Variants in PTPRD observed in about 807,000 individuals in gnomAD.
PTPRD encodes protein tyrosine phosphatase receptor type D.
A neutral mutation model predicts 214.5 loss-of-function variants in PTPRD; 34 were observed. That is an observed-to-expected ratio of 0.16 (90% CI 0.12 to 0.21). The LOEUF (loss-of-function observed/expected upper bound fraction) is 0.21, where lower values mean the gene tolerates loss of function less well. Among genes scored for constraint, PTPRD ranks in the 10% least tolerant of loss-of-function variants. PTPRD has a pLI of 1.00. For synonymous variants in PTPRD, 1,128 were observed against 845.7 expected, an observed-to-expected ratio of 1.33 and a Z score of -5.79; for missense variants, 2,545 against 2,398.7, an observed-to-expected ratio of 1.06 and a Z score of -1.27.
chr9:8,592,794 G>A (rs562824610), intron 14 of PTPRD, among the ~76,000 whole-genome samples: 3 of 152,124 alleles, frequency 2.0e-5, no homozygotes, highest in African/African-American at 7.2e-5. Context: ...AACATGCTGC[G>A]TGTTAATGCA....
chr9:8,376,154 C>T (rs892363647), intron 38 of PTPRD, 64 bp from the exon 39 acceptor site: 144 of 1,577,842 alleles, frequency 9.1e-5, no homozygotes, highest in Non-Finnish European at 1.2e-4. Context: ...TGATGAATAA[C>T]AGGGAAGAGG....
chr9:10,203,087 C>A (rs112409391), intron 3 of PTPRD, among the ~76,000 whole-genome samples: 320 of 151,366 alleles, frequency 2.1e-3, no homozygotes, highest in African/African-American at 7.5e-3. Flanking sequence ...CTTGATGTAT[C>A]AGAGTGGAGG....
chr9:9,087,891 T>TTC (rs1179237967), intron 10 of PTPRD, among the ~76,000 whole-genome samples: 37 of 134,178 alleles, frequency 2.8e-4, no homozygotes, highest in Non-Finnish European at 4.9e-4. Context: ...TTTTTTTTTT[T>TTC]TTTTTTTTTT....
At chr9:8,584,053 C>G (rs914723791) in intron 14 of PTPRD, among the ~76,000 whole-genome samples, 1 of 152,150 alleles carries the variant, frequency 6.6e-6, no homozygotes, top group African/African-American at 2.4e-5. Context: ...ACTTGGGAAG[C>G]TGACACAGGA....
chr9:8,958,137 C>T (rs1420809726), intron 11 of PTPRD, among the ~76,000 whole-genome samples: 1 of 151,776 alleles, frequency 6.6e-6, no homozygotes, highest in African/African-American at 2.4e-5. Flanking sequence ...CCTGCAGGTG[C>T]TAAATGTGTG....
chr9:9,601,194 T>G, intron 7 of PTPRD, among the ~76,000 whole-genome samples: 1 of 149,526 alleles, frequency 6.7e-6, no homozygotes, highest in African/African-American at 2.5e-5. Context: ...GAAAGAGATT[T>G]GGAATTCAGT....
chr9:9,104,990 A>G (rs765964090), intron 10 of PTPRD, among the ~76,000 whole-genome samples: 1 of 152,224 alleles, frequency 6.6e-6, no homozygotes, highest in African/African-American at 2.4e-5. Context: ...TGAAGACTTC[A>G]GAGAAACAAA....
intron 3 of PTPRD, among the ~76,000 whole-genome samples, chr9:10,314,219 G>C (rs1462586866): frequency 6.6e-6 from 1 of 151,848 alleles, no homozygotes; most frequent in East Asian, 1.9e-4. Context: ...AGGATATTCT[G>C]GAAGTGTGAA....
At chr9:8,699,617 A>C (rs2098025302) in intron 12 of PTPRD, among the ~76,000 whole-genome samples, 1 of 152,206 alleles carries the variant, frequency 6.6e-6, no homozygotes, top group Non-Finnish European at 1.5e-5. Flanking sequence ...TGGTTGGGCC[A>C]GTAACTTTCA....
chr9:9,267,312 A>G (rs1428363703), intron 9 of PTPRD, among the ~76,000 whole-genome samples: 1 of 151,326 alleles, frequency 6.6e-6, no homozygotes, highest in Non-Finnish European at 1.5e-5. Context: ...GCATAAATGG[A>G]TATGTTCCTG....
chr9:8,633,896 G>A (rs1013788558), intron 13 of PTPRD, among the ~76,000 whole-genome samples: 1 of 151,926 alleles, frequency 6.6e-6, no homozygotes, highest in African/African-American at 2.4e-5. Flanking sequence ...ACCACAGATA[G>A]CTCTGCTAGT....
intron 8 of PTPRD, among the ~76,000 whole-genome samples, chr9:9,519,982 G>C (rs1341046184): frequency 6.6e-6 from 1 of 151,992 alleles, no homozygotes; most frequent in Non-Finnish European, 1.5e-5. Flanking sequence ...TAATGGAAAA[G>C]TACAGAGCCT....
At chr9:9,847,115 G>C (rs1054496870) in intron 5 of PTPRD, among the ~76,000 whole-genome samples, 3 of 152,002 alleles carry the variant, frequency 2.0e-5, no homozygotes, top group Non-Finnish European at 4.4e-5. Context: ...ATACTCTTAA[G>C]TAGAACGAAT....
In PTPRD at chr9:9,723,581, T is replaced by G. The variant is rs565158249; in HGVS notation, c.-287+10952A>C. Among the ~76,000 whole-genome samples the G allele has an allele frequency of 4.6e-5, 7 of 152,158 alleles. No homozygotes were observed. In the South Asian group the frequency reaches 1.4e-3, roughly 32 times the overall value. The stretch of plus-strand genomic sequence containing the variant: ...ACAAAGAAGTGAGCTGGGATTCCGA[T>G]TGAGATTACATTGAGGTTGCAGATC... On this transcript the variant is annotated intron_variant, in intron 7 of 45. Transcript: ENST00000381196.
intron 2 of PTPRD, among the ~76,000 whole-genome samples, chr9:10,348,292 T>C (rs2097124594): frequency 6.6e-6 from 1 of 152,204 alleles, no homozygotes; most frequent in African/African-American, 2.4e-5. Flanking sequence ...CCTATGCCAA[T>C]GATCTACTTT....
chr9:8,318,108 A>G (rs1471905802), intron 45 of PTPRD, among the ~76,000 whole-genome samples, 166 bp from the exon 46 acceptor site: 1 of 152,076 alleles, frequency 6.6e-6, no homozygotes, highest in Non-Finnish European at 1.5e-5. Flanking sequence ...TAGTGAACAA[A>G]GAAAAAGCCA....
intron 9 of PTPRD, among the ~76,000 whole-genome samples, chr9:9,318,165 T>A (rs1374242307): frequency 7.4e-6 from 1 of 135,492 alleles, no homozygotes. Context: ...GAGTGAAAAC[T>A]CCATCAAAAA....
intron 12 of PTPRD, among the ~76,000 whole-genome samples, chr9:8,644,814 C>A (rs2096652560): frequency 6.6e-6 from 1 of 152,232 alleles, no homozygotes. Flanking sequence ...CACCCCTTGC[C>A]ATTCCATGCC....
At chr9:8,523,769 C>A (rs2097940786) in intron 18 of PTPRD, among the ~76,000 whole-genome samples, 1 of 152,092 alleles carries the variant, frequency 6.6e-6, no homozygotes, top group Admixed American at 6.6e-5. Context: ...GGTACACATG[C>A]CTCATGCAGC....
Sources: gnomAD v4.1 joint callset for allele counts (sites outside exome capture counted in the v4.1 genomes callset) on GRCh38, gnomAD v4.1.1 for gene constraint, MANE v1.5 for transcripts, NCBI Gene and HGNC (gene_info 2026-07-23, HGNC 2026-07-21) for gene names.